The following STOX2 variants were observed in gnomAD, a reference collection of about 807,000 sequenced individuals.
STOX2 encodes the protein storkhead box 2.
A neutral mutation model predicts 60.9 loss-of-function variants in STOX2; 28 were observed. That is an observed-to-expected ratio of 0.46 (90% CI 0.34 to 0.63). The LOEUF is 0.63. Among genes scored for constraint, STOX2 ranks in the 30% least tolerant of loss-of-function variants. The probability of loss-of-function intolerance (pLI) is 0.01; values close to 1 mark genes in which losing one functional copy is unlikely to be tolerated. For missense variants in STOX2, 1,024 were observed against 1,187.7 expected (o/e 0.86, Z 2.03); for synonymous variants, 472 against 463.9 (o/e 1.02, Z -0.22).
intron 1 of STOX2, among the ~76,000 whole-genome samples, chr4:183,857,393 G>C (rs76255475): frequency 0.021 from 328 of 15,354 alleles, no homozygotes; most frequent in African/African-American, 0.045. Context: ...CCGCAGGACT[G>C]GTTGCCTCAT....
intron 1 of STOX2, among the ~76,000 whole-genome samples, chr4:183,974,850 T>C (rs1360586514): frequency 1.3e-5 from 2 of 152,192 alleles, no homozygotes; most frequent in Non-Finnish European, 2.9e-5. Context: ...GACTTGCTAA[T>C]TGACATTTAT....
intron 1 of STOX2, among the ~76,000 whole-genome samples, chr4:183,908,687 C>T (rs1250376157): frequency 6.7e-6 from 1 of 150,146 alleles, no homozygotes; most frequent in Non-Finnish European, 1.5e-5. Flanking sequence ...GCAGGTGCTG[C>T]GAGGCGTTTT....
In STOX2 at chr4:184,001,280, C is replaced by G. The variant is rs781762645; in HGVS notation, c.167-45C>G. On this transcript the variant is annotated intron_variant, in intron 1 of 3. Coordinates refer to ENST00000308497, the MANE Select transcript of STOX2 (RefSeq NM_020225.3). The surrounding 1 kb of genome is among the most constrained non-coding windows in gnomAD (Gnocchi z 4.2). ...TGAAGGCGTGTGTCTGACAGATGAC[C>G]GGGTCTTTTAATGAACCACTCACTT... 160 of 1,600,434 alleles carry G rather than the reference C, an allele frequency of 1.0e-4. 1 individual carries two copies. Among genetic ancestry groups the G allele is most frequent in the Non-Finnish European group, 4.3e-6 (5 of 1,169,544 alleles).
intron 1 of STOX2, among the ~76,000 whole-genome samples, chr4:183,984,591 T>C (rs2111192127): frequency 6.6e-6 from 1 of 152,340 alleles, no homozygotes; most frequent in Admixed American, 6.5e-5. Context: ...ATTGATTTAA[T>C]GGTATTTATT....
At chr4:183,958,535 A>G (rs1206210989) in intron 1 of STOX2, among the ~76,000 whole-genome samples, 1 of 152,064 alleles carries the variant, frequency 6.6e-6, no homozygotes, top group African/African-American at 2.4e-5. Flanking sequence ...TTCCAAAATT[A>G]TTTCATGACT....
At chr4:183,810,103 C>T (rs373756003) in intron 1 of STOX2, among the ~76,000 whole-genome samples, 5 of 152,200 alleles carry the variant, frequency 3.3e-5, no homozygotes, top group African/African-American at 1.2e-4. Context: ...CTTGTAACTA[C>T]AGTACTGCTC....
At chr4:183,872,969 C>T (rs576937868) in intron 1 of STOX2, among the ~76,000 whole-genome samples, 4 of 152,102 alleles carry the variant, frequency 2.6e-5, no homozygotes, top group South Asian at 2.1e-4. Flanking sequence ...CAGAAAGTCA[C>T]GTTCTGAAAC....
chr4:184,015,846 G>C (rs1407733814), intron 3 of STOX2: 1 of 152,200 alleles, frequency 6.6e-6, no homozygotes, highest in Non-Finnish European at 1.5e-5. Context: ...CTCAATCTCT[G>C]TAGCTGATAC....
chr4:183,928,222 G>C (rs942004875), intron 1 of STOX2, among the ~76,000 whole-genome samples: 1 of 152,112 alleles, frequency 6.6e-6, no homozygotes, highest in East Asian at 1.9e-4. Flanking sequence ...AGCCCTCGGG[G>C]GGGGGCATTT....
At chr4:183,937,873 C>CT (rs1190401763) in intron 1 of STOX2, among the ~76,000 whole-genome samples, 2 of 152,194 alleles carry the variant, frequency 1.3e-5, no homozygotes, top group African/African-American at 4.8e-5. Context: ...CCTGAGCTGG[C>CT]TGGGTGCTCA....
intron 1 of STOX2, among the ~76,000 whole-genome samples, chr4:183,888,860 C>T (rs1190554608): frequency 6.6e-6 from 1 of 151,994 alleles, no homozygotes; most frequent in Non-Finnish European, 1.5e-5. Context: ...ACTGCTTGTT[C>T]CTGGGGCTGA....
At chr4:183,876,251 T>C (rs1160940031) in intron 1 of STOX2, among the ~76,000 whole-genome samples, 1 of 152,206 alleles carries the variant, frequency 6.6e-6, no homozygotes, top group Non-Finnish European at 1.5e-5. Context: ...TCTGATGCAT[T>C]ACCCCTGACT....
intron 1 of STOX2, among the ~76,000 whole-genome samples, chr4:183,899,851 G>A (rs72998705): frequency 0.02 from 2,990 of 152,286 alleles, 100 homozygotes; most frequent in African/African-American, 0.069. Flanking sequence ...ATTTTGGAAA[G>A]AGATGCCATC....
Position 183,958,036 on chromosome 4 carries a change from C to A in STOX2, c.167-43289C>A, listed in dbSNP as rs576199530. ...AACCCAAGATCGTGAATGAGGCACC[C>A]TGGTTTCTTTCAGGGGGGATGGTAG... On this transcript the variant is annotated intron_variant, in intron 1 of 3. Transcript: ENST00000308497. 3.8e-3 allele frequency among the ~76,000 whole-genome samples: 568 copies of A among 149,490 alleles called. 3 individuals carry two copies. The highest frequency in any genetic ancestry group is 0.013 in the African/African-American group (511 of 40,402).
chr4:183,880,845 A>C (rs899605336), intron 1 of STOX2, among the ~76,000 whole-genome samples: 2 of 152,226 alleles, frequency 1.3e-5, no homozygotes, highest in Non-Finnish European at 2.9e-5. Context: ...TGCCTGTTTG[A>C]TAACTTACTT....
intron 1 of STOX2, among the ~76,000 whole-genome samples, chr4:183,866,703 A>G (rs890857226): frequency 3.3e-5 from 5 of 152,094 alleles, no homozygotes; most frequent in Non-Finnish European, 5.9e-5. Context: ...AAACTTCAAC[A>G]CTTTGTGTTT....
intron 1 of STOX2, among the ~76,000 whole-genome samples, chr4:183,844,242 T>C (rs367897259): frequency 1.8e-4 from 28 of 152,138 alleles, no homozygotes; most frequent in Non-Finnish European, 5.9e-5. Context: ...CATGTTCCGG[T>C]TGAATATTTT....
intron 1 of STOX2, among the ~76,000 whole-genome samples, chr4:183,834,549 G>A (rs573035997): frequency 2.6e-5 from 4 of 152,180 alleles, no homozygotes; most frequent in East Asian, 1.9e-4. Context: ...CATGGAACAC[G>A]CAGGTTCTGT....
intron 1 of STOX2, among the ~76,000 whole-genome samples, chr4:183,849,761 TG>T (rs1740071774): frequency 6.6e-6 from 1 of 152,068 alleles, no homozygotes; most frequent in Non-Finnish European, 1.5e-5. Context: ...GAGAGGGCGT[TG>T]GGAGTTCGGC....
Sources: allele counts gnomAD v4.1 joint callset (sites outside exome capture counted in the v4.1 genomes callset), GRCh38; gene constraint gnomAD v4.1.1; non-coding constraint Gnocchi (gnomAD v3.1); transcripts MANE v1.5; gene names NCBI Gene and HGNC (gene_info 2026-07-23, HGNC 2026-07-21).